Variants in EAPP observed in about 807,000 individuals in gnomAD.
The protein encoded by EAPP is E2F associated phosphoprotein, also known as E2F-associated phosphoprotein.
A neutral mutation model predicts 34.3 loss-of-function variants in EAPP; 38 were observed. That is an observed-to-expected ratio of 1.11 (90% CI 0.85 to 1.45). The LOEUF (loss-of-function observed/expected upper bound fraction) is 1.45, where lower values mean the gene tolerates loss of function less well. Ranked by LOEUF, EAPP falls within the 40% of genes most tolerant of loss-of-function variation. The pLI, the probability that EAPP is intolerant of heterozygous loss-of-function variation, is 0.00. For synonymous variants in EAPP, 113 were observed against 117.6 expected (o/e 0.96, Z 0.25); for missense variants, 338 against 343.7 (o/e 0.98, Z 0.13).
At chr14:34,532,594 GAC>G (rs1880332624) in intron 3 of EAPP, among the ~76,000 whole-genome samples, 2 of 151,916 alleles carry the variant, frequency 1.3e-5, no homozygotes, top group Admixed American at 6.6e-5. Context: ...ATTGAGTTGG[GAC>G]ACACTCTCTC....
At chr14:34,521,280 A>G (rs1287293604) in intron 5 of EAPP, among the ~76,000 whole-genome samples, 1 of 151,932 alleles carries the variant, frequency 6.6e-6, no homozygotes, top group East Asian at 1.9e-4. Flanking sequence ...CATGTTGGCC[A>G]GGCTGGTCTC....
At chr14:34,527,529 G>A (rs541371651) in intron 4 of EAPP, among the ~76,000 whole-genome samples, 2 of 152,220 alleles carry the variant, frequency 1.3e-5, no homozygotes, top group East Asian at 3.9e-4. Context: ...AAAGGTGGGG[G>A]CAGAGGGTGT....
At position 34,533,660 on chromosome 14, in the gene EAPP, G is replaced by T. The variant is rs1414004794; in HGVS notation, c.257-121C>A. 8.1e-6 allele frequency: 5 copies of T among 616,658 alleles called. No homozygotes were observed. In the Admixed American group the frequency reaches 1.7e-4, roughly 21 times the overall value. The allele number at this position is 616,658 out of a possible 1,614,324, so 38.2% of individuals were successfully genotyped here. A position where few individuals can be genotyped will look rare whatever the true frequency, so the allele number is the denominator to read the frequency against. Reference sequence around the variant, plus strand: ...AACTCATTCACAAACTCATTTGATGGTGAAATATTTTCACATCAGTGAATT... The same window carrying T: ...AACTCATTCACAAACTCATTTGATGTTGAAATATTTTCACATCAGTGAATT... On this transcript the variant is annotated intron_variant, in intron 2 of 5. Transcript: ENST00000250454.
At chr14:34,522,790 A>C (rs1438770365) in intron 5 of EAPP, among the ~76,000 whole-genome samples, 1 of 152,100 alleles carries the variant, frequency 6.6e-6, no homozygotes, top group East Asian at 1.9e-4. Context: ...AGGGGTTCAC[A>C]CTTGGGACCT....
intron 5 of EAPP, among the ~76,000 whole-genome samples, chr14:34,523,191 G>A (rs1879973555): frequency 1.3e-5 from 2 of 151,926 alleles, no homozygotes; most frequent in Admixed American, 6.6e-5. Context: ...GCAGGGGGAA[G>A]GAGAGCCAGT....
At chr14:34,516,642 C>G (rs1234198065) in intron 5 of EAPP, 56 bp from the exon 6 acceptor site, 9 of 1,508,326 alleles carry the variant, frequency 6.0e-6, no homozygotes, top group Non-Finnish European at 8.0e-6. Context: ...AATAGTTTAT[C>G]CATTTAGATA....
At chr14:34,532,327 C>T (rs906598563) in intron 3 of EAPP, among the ~76,000 whole-genome samples, 8 of 151,904 alleles carry the variant, frequency 5.3e-5, no homozygotes, top group Non-Finnish European at 1.2e-4. Flanking sequence ...GGCATGGCGA[C>T]AGGCGTCTGT....
intron 4 of EAPP, among the ~76,000 whole-genome samples, chr14:34,527,455 G>T (rs1880133840): frequency 6.6e-6 from 1 of 151,994 alleles, no homozygotes; most frequent in Non-Finnish European, 1.5e-5. Flanking sequence ...CTTGAGCCCA[G>T]AAGTTTGAGG....
chr14:34,522,586 T>A (rs541006198), intron 5 of EAPP, among the ~76,000 whole-genome samples: 1 of 152,336 alleles, frequency 6.6e-6, no homozygotes, highest in East Asian at 1.9e-4. Flanking sequence ...AGAGATTCTT[T>A]GTAATTTGCA....
At chr14:34,525,998 C>T (rs1328465371) in intron 4 of EAPP, among the ~76,000 whole-genome samples, 1 of 151,000 alleles carries the variant, frequency 6.6e-6, no homozygotes, top group Non-Finnish European at 1.5e-5. Flanking sequence ...CCAGCCTGGG[C>T]GACAGAGCGA....
At chr14:34,519,275 C>A (rs1879835677) in intron 5 of EAPP, among the ~76,000 whole-genome samples, 1 of 152,198 alleles carries the variant, frequency 6.6e-6, no homozygotes, top group Non-Finnish European at 1.5e-5. Flanking sequence ...TGGCTCAAGC[C>A]TGTAATCCCA....
chr14:34,522,281 C>CTT (rs34406021), intron 5 of EAPP, among the ~76,000 whole-genome samples: 51,984 of 151,920 alleles, frequency 0.34, 9,191 homozygotes, highest in Non-Finnish European at 0.4. Context: ...ATTTCGATCT[C>CTT]TGTTAAATTT....
intron 4 of EAPP, among the ~76,000 whole-genome samples, chr14:34,527,164 G>A (rs149510292): frequency 7.4e-4 from 50 of 67,938 alleles, no homozygotes; most frequent in African/African-American, 1.6e-3. Context: ...GCAAAACTCC[G>A]TCTCAAAAAA....
Position 34,516,433 on chromosome 14 carries a change from C to T in EAPP, c.735G>A (p.Lys245=). The change falls in exon 6 of 6, where the codon AAG becomes AAA. Residue 245 remains lysine, a synonymous_variant. Transcript: ENST00000250454. The part of the protein sequence containing the change: ...MRSNREDAAE[K]AETDVEEIYH... ...AGATTTCTTCCACATCTGTCTCTGC[C>T]TTCTCGGCAGCATCTTCCCGGTTAG... 6.2e-7 allele frequency: 1 copy of T among 1,614,186 alleles called. No individual in the cohort carries two copies. The highest frequency in any genetic ancestry group is 8.5e-7 in the Non-Finnish European group (1 of 1,180,026).
intron 5 of EAPP, among the ~76,000 whole-genome samples, chr14:34,523,712 T>C (rs1879999628): frequency 6.6e-6 from 1 of 151,946 alleles, no homozygotes; most frequent in Admixed American, 6.6e-5. Flanking sequence ...AATTTTTTAT[T>C]TTTTTATTTT....
intron 5 of EAPP, among the ~76,000 whole-genome samples, chr14:34,520,822 C>G (rs1879893795): frequency 6.6e-6 from 1 of 150,894 alleles, no homozygotes; most frequent in Non-Finnish European, 1.5e-5. Flanking sequence ...TTTTTTCATT[C>G]CACTCCCTCC....
At chr14:34,529,666 C>T (rs974368692) in intron 3 of EAPP, among the ~76,000 whole-genome samples, 191 bp from the exon 4 acceptor site, 1 of 151,844 alleles carries the variant, frequency 6.6e-6, no homozygotes, top group South Asian at 2.1e-4. Flanking sequence ...GATCACCTGA[C>T]GTCAGGAGAT....
At chr14:34,539,511 C>T (rs1351521305) in intron 1 of EAPP, 44 bp downstream of exon 1, 9 of 1,592,296 alleles carry the variant, frequency 5.7e-6, no homozygotes, top group Non-Finnish European at 7.7e-6. Context: ...CAAAGCCAGG[C>T]CTCGACCCAA....
chr14:34,539,280 G>A (rs1325065237), intron 1 of EAPP: 1 of 642,308 alleles, frequency 1.6e-6, no homozygotes, highest in Admixed American at 2.1e-5. Flanking sequence ...CTACTAAGGT[G>A]TAGAGACAGG....
Sources: allele counts gnomAD v4.1 joint callset (sites outside exome capture counted in the v4.1 genomes callset), GRCh38; gene constraint gnomAD v4.1.1; transcripts MANE v1.5; gene names NCBI Gene and HGNC (gene_info 2026-07-23, HGNC 2026-07-21).